The following HIGD1A variants were observed in gnomAD, a reference collection of about 807,000 sequenced individuals.
HIGD1A encodes HIG1 hypoxia inducible domain family member 1A, also known as HIG1 domain family member 1A, mitochondrial.
HIGD1A carries 8 observed loss-of-function variants against 11.3 expected under a neutral mutation model. The ratio of observed to expected loss-of-function variants is 0.71; its 90% CI spans 0.42 to 1.28. The LOEUF (loss-of-function observed/expected upper bound fraction) is 1.28. Ranked by LOEUF, HIGD1A falls within the 50% of genes most tolerant of loss-of-function variation. The pLI is 0.01. For synonymous variants in HIGD1A, 32 were observed against 38.4 expected, an observed-to-expected ratio of 0.83 and a Z score of 0.62; for missense variants, 107 against 118.8, an observed-to-expected ratio of 0.90 and a Z score of 0.46.
rs752547002 is a variant in HIGD1A, at chr3:42,794,181, T to G, written c.73A>C (p.Lys25Gln). 6.2e-7 allele frequency: 1 copy of G among 1,605,446 alleles called. No individual in the cohort carries two copies. Among genetic ancestry groups the G allele is most frequent in the East Asian group, 2.3e-5 (1 of 44,292 alleles). Residue 25 changes from lysine (K) to glutamine (Q), a missense_variant, in exon 2 of 4, where the codon AAA becomes CAA. Coordinates refer to ENST00000321331, the MANE Select transcript of HIGD1A (RefSeq NM_014056.4). Reference protein sequence around the residue: ...DQGSKLIRKAKEAPFVPVGIA... With the variant: ...DQGSKLIRKAQEAPFVPVGIA... ...CCAACGGGTACGAATGGTGCCTCTTTAGCTTTTCGAATGAGTTTTGATCCC... is the reference window on the plus strand; with the variant it reads ...CCAACGGGTACGAATGGTGCCTCTTGAGCTTTTCGAATGAGTTTTGATCCC...
At chr3:42,786,007 A>T in intron 3 of HIGD1A, 21 bp downstream of exon 3, 1 of 1,610,738 alleles carries the variant, frequency 6.2e-7, no homozygotes, top group South Asian at 1.1e-5. Flanking sequence ...CGAAAATTTG[A>T]AATTTCCTAT....
At position 42,783,181 on chromosome 3, in the gene HIGD1A, G is replaced by A. The variant is rs1015564729; in HGVS notation, c.*2090C>T. Among the ~76,000 whole-genome samples the A allele has an allele frequency of 6.6e-6, 1 of 152,174 alleles. No homozygotes were observed. Among genetic ancestry groups the A allele is most frequent in the East Asian group, 1.9e-4 (1 of 5,200 alleles). ...TGACAACAGAATGTAAATATTATATGTCCTCACAAGGTAGGAATGATACAA... is the reference window on the plus strand; with the variant it reads ...TGACAACAGAATGTAAATATTATATATCCTCACAAGGTAGGAATGATACAA... On this transcript the variant is annotated 3_prime_UTR_variant, in exon 4 of 4. Transcript: ENST00000321331.
intron 1 of HIGD1A, among the ~76,000 whole-genome samples, chr3:42,796,117 G>A (rs1700495362): frequency 1.3e-5 from 2 of 152,254 alleles, no homozygotes; most frequent in South Asian, 4.1e-4. Context: ...TGGCAGTTAA[G>A]GTCCTCAACA....
chr3:42,799,882 T>G lies in HIGD1A; in HGVS notation c.-23+4554A>C, dbSNP rs146602424. On this transcript the variant is annotated intron_variant, in intron 1 of 3. Transcript: ENST00000321331. Reference sequence around the variant, plus strand: ...AGACAAGGTCTGAATTTAGAGAGAGTGATGTATTTTAGCTAAAGGAGGTTT... The same window carrying G: ...AGACAAGGTCTGAATTTAGAGAGAGGGATGTATTTTAGCTAAAGGAGGTTT... Among the ~76,000 whole-genome samples, 1,115 of 152,048 alleles carry G rather than the reference T, an allele frequency of 7.3e-3. 12 individuals are homozygous for G. The highest frequency in any genetic ancestry group is 0.025 in the African/African-American group (1,045 of 41,448).
intron 1 of HIGD1A, chr3:42,804,079 C>G (rs986986454): frequency 7.4e-7 from 1 of 1,344,340 alleles, no homozygotes; most frequent in African/African-American, 1.5e-5. Flanking sequence ...GCTCCCGCTC[C>G]TCGCTCCCCG....
At chr3:42,795,350 C>G (rs1448450438) in intron 1 of HIGD1A, among the ~76,000 whole-genome samples, 2 of 151,974 alleles carry the variant, frequency 1.3e-5, no homozygotes, top group Non-Finnish European at 2.9e-5. Context: ...TCCCAAATAC[C>G]TGGGATTAGA....
chr3:42,799,515 C>T (rs533406196), intron 1 of HIGD1A, among the ~76,000 whole-genome samples: 11 of 152,258 alleles, frequency 7.2e-5, no homozygotes, highest in African/African-American at 2.6e-4. Context: ...GGCTGGAGCA[C>T]GATCTCGATC....
chr3:42,799,470 T>G (rs976550051), intron 1 of HIGD1A, among the ~76,000 whole-genome samples: 1 of 152,202 alleles, frequency 6.6e-6, no homozygotes. Context: ...ATTTTTCTAT[T>G]TTTGTTTTAT....
rs961333399 is a variant in HIGD1A, at chr3:42,783,619, T to C, written c.*1652A>G. On this transcript the variant is annotated 3_prime_UTR_variant, in exon 4 of 4. Coordinates refer to ENST00000321331, the MANE Select transcript of HIGD1A (RefSeq NM_014056.4). ...AACAGAGCAAGACTCTGTCTCAAAA[T>C]AAACAAACAAACAAACAAACAAACA... Among the ~76,000 whole-genome samples the C allele has an allele frequency of 2.0e-5, 3 of 152,154 alleles. No individual in the cohort carries two copies. The highest frequency in any genetic ancestry group is 6.5e-5 in the Admixed American group (1 of 15,270).
At chr3:42,786,238 TC>T in intron 2 of HIGD1A, 76 bp from the exon 3 acceptor site, 1 of 1,440,426 alleles carries the variant, frequency 6.9e-7, no homozygotes, top group South Asian at 1.2e-5. Context: ...CAATGTACAT[TC>T]TATTATTTTT....
chr3:42,791,998 T>C (rs1026103185), intron 2 of HIGD1A, among the ~76,000 whole-genome samples: 12 of 152,148 alleles, frequency 7.9e-5, no homozygotes, highest in Non-Finnish European at 1.5e-4. Flanking sequence ...ATATGCATTG[T>C]TATAAAAAGA....
At chr3:42,804,158 G>A (rs1179098450) in intron 1 of HIGD1A, 9 of 1,607,412 alleles carry the variant, frequency 5.6e-6, no homozygotes, top group Middle Eastern at 1.6e-4. Flanking sequence ...AGTCTTCCCC[G>A]CTCGGCAACT....
At chr3:42,790,602 A>G (rs1559676188) in intron 2 of HIGD1A, among the ~76,000 whole-genome samples, 1 of 152,262 alleles carries the variant, frequency 6.6e-6, no homozygotes, top group South Asian at 2.1e-4. Context: ...ATTAAAAAGC[A>G]TATCTAGAGA....
At chr3:42,803,975 C>T (rs1034216010) in intron 1 of HIGD1A, among the ~76,000 whole-genome samples, 5 of 152,212 alleles carry the variant, frequency 3.3e-5, no homozygotes, top group Admixed American at 3.3e-4. Context: ...CTTCCTGTGA[C>T]CTTGTCGTGA....
rs528988244 is a variant in HIGD1A, at chr3:42,787,110, CA to C, written c.98-949del. On this transcript the variant is annotated intron_variant, in intron 2 of 3. Transcript: ENST00000321331. Reference sequence around the variant, plus strand: ...CTTGAAAATGACTGGTATAATATAGCAAAATTAAGAATCTGAAATTAGGCTA... The same window carrying C: ...CTTGAAAATGACTGGTATAATATAGCAAATTAAGAATCTGAAATTAGGCTA... 9.2e-5 allele frequency among the ~76,000 whole-genome samples: 14 copies of C among 152,042 alleles called. No homozygotes were observed. The East Asian group carries it at 2.7e-3, about 29-fold the overall frequency.
chr3:42,804,420 G>A lies in HIGD1A; in HGVS notation c.-23+16C>T, dbSNP rs936665699. The A allele has an allele frequency of 1.2e-5, 6 of 501,182 alleles. No homozygotes were observed. Among genetic ancestry groups the A allele is most frequent in the African/African-American group, 2.0e-5 (1 of 50,130 alleles). 31.0% of individuals were successfully genotyped at this position (501,182 alleles called of 1,614,324 possible). A position where few individuals can be genotyped will look rare whatever the true frequency, so the allele number is the denominator to read the frequency against. ...CCGAGTCCCTGGCTCGCAGTCCCCC[G>A]GCTTGTTTCGCTTACCTAGAGCGAG... is the stretch of plus-strand genomic sequence containing the variant. On this transcript the variant is annotated intron_variant, in intron 1 of 3. Transcript: ENST00000321331.
chr3:42,786,242 T>C, intron 2 of HIGD1A, 80 bp from the exon 3 acceptor site: 1 of 1,423,352 alleles, frequency 7.0e-7, no homozygotes, highest in Non-Finnish European at 9.7e-7. Flanking sequence ...GTACATTCTA[T>C]TATTTTTATG....
chr3:42,790,917 C>T (rs1700415125), intron 2 of HIGD1A, among the ~76,000 whole-genome samples: 1 of 152,164 alleles, frequency 6.6e-6, no homozygotes, highest in Admixed American at 6.5e-5. Flanking sequence ...GCTCAAGTGA[C>T]GCTCCTGCCT....
chr3:42,785,433 C>T (rs1700337970), intron 3 of HIGD1A, 113 bp from the exon 4 acceptor site: 2 of 801,208 alleles, frequency 2.5e-6, no homozygotes, highest in Non-Finnish European at 4.2e-6. Flanking sequence ...GGAATATTTA[C>T]AAGGGGAATA....
Sources: gnomAD v4.1 joint callset for allele counts (sites outside exome capture counted in the v4.1 genomes callset) on GRCh38, gnomAD v4.1.1 for gene constraint, MANE v1.5 for transcripts, NCBI Gene and HGNC (gene_info 2026-07-23, HGNC 2026-07-21) for gene names.